The following FDFT1 variants were observed in gnomAD, a reference collection of about 807,000 sequenced individuals.
FDFT1 encodes the protein squalene synthase.
In FDFT1, 68 loss-of-function variants were observed where a neutral mutation model predicts 46.8. The ratio of observed to expected loss-of-function variants is 1.45; its 90% CI spans 1.19 to 1.78. FDFT1 has a LOEUF of 1.78. FDFT1 is among the 40% of genes most tolerant of loss of function. FDFT1 has a pLI of 0.00. For missense variants in FDFT1, 928 were observed against 524.4 expected (o/e 1.77, Z -7.52); for synonymous variants, 351 against 185.1 (o/e 1.90, Z -7.28).
chr8:11,804,904 C>T (rs1484105895), intron 1 of FDFT1, among the ~76,000 whole-genome samples: 4 of 137,534 alleles, frequency 2.9e-5, no homozygotes, highest in African/African-American at 8.2e-5. Flanking sequence ...CCACTGCACC[C>T]GGCCTTTTTT....
intron 1 of FDFT1, among the ~76,000 whole-genome samples, chr8:11,806,783 T>C (rs879350095): frequency 2.0e-5 from 3 of 152,160 alleles, no homozygotes; most frequent in Non-Finnish European, 2.9e-5. Context: ...CCTCTCGATA[T>C]TTTGAGAAGG....
In FDFT1 at chr8:11,832,617, T is replaced by C. The variant is rs112550964; in HGVS notation, c.1032+947T>C. 5.5e-3 allele frequency among the ~76,000 whole-genome samples: 779 copies of C among 141,276 alleles called. 11 individuals carry two copies. The highest frequency in any genetic ancestry group is 0.019 in the African/African-American group (745 of 39,306). The allele number at this position is 141,276 out of a possible 152,430, so 92.7% of individuals were successfully genotyped here. A position where few individuals can be genotyped will look rare whatever the true frequency, so the allele number is the denominator to read the frequency against. ...AGTCTTTGTAATCTCTAATAATCTC[T>C]AGGCCCTAGAGCAGTGGTTTGTAAA... On this transcript the variant is annotated intron_variant, in intron 7 of 7. Coordinates refer to ENST00000220584, the MANE Select transcript of FDFT1 (RefSeq NM_004462.5).
chr8:11,796,672 G>A (rs1000267964), intron 1 of FDFT1, among the ~76,000 whole-genome samples: 1 of 152,192 alleles, frequency 6.6e-6, no homozygotes, highest in African/African-American at 2.4e-5. Context: ...TCAGTGATTG[G>A]TTTGAGGAGC....
chr8:11,835,584 A>G (rs375524075), intron 7 of FDFT1, among the ~76,000 whole-genome samples: 1 of 152,328 alleles, frequency 6.6e-6, no homozygotes, highest in African/African-American at 2.4e-5. Context: ...GGTTGTGTAT[A>G]TTCACTTGGG....
chr8:11,814,326 A>AT (rs1356771732), intron 3 of FDFT1, among the ~76,000 whole-genome samples: 1 of 143,570 alleles, frequency 7.0e-6, no homozygotes, highest in Non-Finnish European at 1.5e-5. Flanking sequence ...TTGGAGGGAC[A>AT]TGGGGGTATT....
At chr8:11,830,652 T>A (rs915871465) in intron 6 of FDFT1, among the ~76,000 whole-genome samples, 2 of 152,224 alleles carry the variant, frequency 1.3e-5, no homozygotes, top group Admixed American at 6.5e-5. Flanking sequence ...ATTTACTATT[T>A]TCTACAGCTA....
At chr8:11,836,140 G>A (rs1408453209) in intron 7 of FDFT1, among the ~76,000 whole-genome samples, 1 of 131,002 alleles carries the variant, frequency 7.6e-6, no homozygotes, top group African/African-American at 2.8e-5. Context: ...GTGACAGAGC[G>A]AGACACCATC....
At chr8:11,837,668 C>G (rs182879949) in intron 7 of FDFT1, among the ~76,000 whole-genome samples, 2 of 152,178 alleles carry the variant, frequency 1.3e-5, no homozygotes, top group East Asian at 1.9e-4. Context: ...GGTGAGAGGG[C>G]TGGTGCCACT....
At chr8:11,821,296 T>C (rs193108218) in intron 3 of FDFT1, among the ~76,000 whole-genome samples, 1 of 152,190 alleles carries the variant, frequency 6.6e-6, no homozygotes, top group Non-Finnish European at 1.5e-5. Flanking sequence ...ATTTATGAAA[T>C]AATAAGAAAC....
At chr8:11,809,281 C>T (rs984601642) in intron 2 of FDFT1, 13 of 1,100,132 alleles carry the variant, frequency 1.2e-5, no homozygotes, top group Non-Finnish European at 1.4e-5. Context: ...GAACTTAGAC[C>T]AGTTGCCTTT....
rs1270106462 is a variant in FDFT1, at chr8:11,809,719, G to T, written c.250G>T (p.Asp84Tyr). Residue 84 changes from aspartate (D) to tyrosine (Y), a missense_variant, in exon 3 of 8, where the codon GAT (aspartate) becomes TAT (tyrosine). Asp to Tyr is a radical substitution (Grantham distance 160). Transcript: ENST00000220584. ...TCTCCGAGCTCTGGACACACTGGAA[G>T]ATGACATGACCATCAGTGTGGAAAA... ...LVLRALDTLE[D>Y]DMTISVEKKV... 1 of 1,614,174 alleles carries T rather than the reference G, an allele frequency of 6.2e-7. No individual in the cohort carries two copies. The highest frequency in any genetic ancestry group is 8.5e-7 in the Non-Finnish European group (1 of 1,180,012).
At chr8:11,806,825 A>T (rs1049860075) in intron 1 of FDFT1, among the ~76,000 whole-genome samples, 1 of 152,182 alleles carries the variant, frequency 6.6e-6, no homozygotes, top group Admixed American at 6.5e-5. Flanking sequence ...AAAATCCTCG[A>T]TGAATGTCTT....
At chr8:11,802,335 C>G (rs1161830539), upstream of FDFT1, 1 of 413,830 alleles carries the variant, frequency 2.4e-6, no homozygotes, top group Non-Finnish European at 4.9e-6. Context: ...ACTTATTGAC[C>G]AAGTGGGGAG....
At chr8:11,836,317 C>A (rs536178206) in intron 7 of FDFT1, among the ~76,000 whole-genome samples, 1 of 152,352 alleles carries the variant, frequency 6.6e-6, no homozygotes, top group African/African-American at 2.4e-5. Flanking sequence ...TGCCACTCAT[C>A]TTGGCCTTCG....
chr8:11,831,098 G>A (rs73549732), intron 6 of FDFT1, among the ~76,000 whole-genome samples: 2,078 of 152,166 alleles, frequency 0.014, 64 homozygotes, highest in African/African-American at 0.048. Flanking sequence ...CCCTGGCATT[G>A]GTTTTAAATA....
chr8:11,826,587 G>A (rs763526358), intron 5 of FDFT1, among the ~76,000 whole-genome samples: 12 of 152,212 alleles, frequency 7.9e-5, no homozygotes, highest in Non-Finnish European at 1.5e-4. Context: ...GCCAAGGTGG[G>A]CGGATCACCT....
intron 3 of FDFT1, among the ~76,000 whole-genome samples, chr8:11,813,649 A>G (rs962529306): frequency 1.3e-5 from 2 of 152,184 alleles, no homozygotes; most frequent in South Asian, 2.1e-4. Flanking sequence ...TTGTATCTGT[A>G]TTCCCTGCTA....
intron 3 of FDFT1, among the ~76,000 whole-genome samples, chr8:11,816,431 A>G (rs892135684): frequency 2.6e-5 from 4 of 152,182 alleles, no homozygotes; most frequent in African/African-American, 4.8e-5. Flanking sequence ...TGATGGGGAT[A>G]GCATTGAATC....
At chr8:11,816,683 GTA>G (rs1808498209) in intron 3 of FDFT1, among the ~76,000 whole-genome samples, 1 of 152,164 alleles carries the variant, frequency 6.6e-6, no homozygotes, top group South Asian at 2.1e-4. Context: ...TGTTATTGGT[GTA>G]TAGGAATGCT....
Sources: gnomAD v4.1 joint callset for allele counts (sites outside exome capture counted in the v4.1 genomes callset) on GRCh38, gnomAD v4.1.1 for gene constraint, MANE v1.5 for transcripts, NCBI Gene and HGNC (gene_info 2026-07-23, HGNC 2026-07-21) for gene names.